Variants in CCDC187 observed in about 807,000 individuals in gnomAD.
CCDC187 encodes the protein coiled-coil domain containing 187.
In CCDC187, 32 loss-of-function variants were observed where a neutral mutation model predicts 38.0. The ratio of observed to expected loss-of-function variants is 0.84; its 90% CI spans 0.64 to 1.13. The LOEUF (loss-of-function observed/expected upper bound fraction) is 1.13. CCDC187 is among the 50% of genes most tolerant of loss of function. CCDC187 has a pLI of 0.00. For missense variants in CCDC187, 707 were observed against 786.8 expected (o/e 0.90, Z 1.21); for synonymous variants, 333 against 347.9 (o/e 0.96, Z 0.48).
chr9:136,290,676 T>G lies in CCDC187; in HGVS notation c.1937A>C (p.Lys646Thr), dbSNP rs1462551093. Residue 646 changes from lysine to threonine, a missense_variant, in exon 6 of 26, where the codon AAG becomes ACG. Transcript: ENST00000638797. The stretch of plus-strand genomic sequence containing the variant: ...GGCCTGCCGCCGCCGGGCCTGCGCC[T>G]TCTGGCGCATGAACTCCCGCAAGGA... ...SESLREFMRQ[K>T]AQARRRQALE... 2.5e-6 allele frequency: 1 copy of G among 398,522 alleles called. No individual in the cohort carries two copies. The highest frequency in any genetic ancestry group is 2.1e-5 in the African/African-American group (1 of 48,736). The allele number at this position is 398,522 out of a possible 1,614,324, so 24.7% of individuals were successfully genotyped here.
chr9:136,288,432 G>T (rs1165411761), intron 7 of CCDC187, among the ~76,000 whole-genome samples: 1 of 152,190 alleles, frequency 6.6e-6, no homozygotes, highest in Non-Finnish European at 1.5e-5. Context: ...CAGCCCTGAG[G>T]GAGTCCAGGG....
In CCDC187 at chr9:136,303,050, C is replaced by G. The variant is rs1588678687; in HGVS notation, c.387G>C (p.Val129=). The G allele has an allele frequency of 2.5e-6, 1 of 398,588 alleles. No homozygotes were observed. Among genetic ancestry groups the G allele is most frequent in the Admixed American group, 4.4e-5 (1 of 22,722 alleles). The allele number at this position is 398,588 out of a possible 1,614,324, so 24.7% of individuals were successfully genotyped here. A position where few individuals can be genotyped will look rare whatever the true frequency, so the allele number is the denominator to read the frequency against. Residue 129 remains valine, a synonymous_variant, in exon 2 of 26, where the codon GTG becomes GTC. Transcript: ENST00000638797. ...CCTGGGGTGGCCTCTCCTTCCAAGA[C>G]ACACACACGTCGTGGCCCCCCGAAG... The part of the protein sequence containing the change: ...SCSSGGHDVC[V]SWKERPPQVL...
chr9:136,294,202 TCA>T (rs1243547283), intron 4 of CCDC187, among the ~76,000 whole-genome samples: 14 of 140,764 alleles, frequency 9.9e-5, no homozygotes, highest in African/African-American at 3.5e-4. Context: ...ACATGTGCTC[TCA>T]CACACACTCA....
chr9:136,253,930 A>G lies in CCDC187; in HGVS notation c.5898T>C (p.Asn1966=). The G allele has an allele frequency of 1.1e-6, 1 of 884,970 alleles. No individual in the cohort carries two copies. Among genetic ancestry groups the G allele is most frequent in the Middle Eastern group, 5.7e-4 (1 of 1,758 alleles). The allele number at this position is 884,970 out of a possible 1,614,324, so 54.8% of individuals were successfully genotyped here. A position where few individuals can be genotyped will look rare whatever the true frequency, so the allele number is the denominator to read the frequency against. Residue 1966 remains asparagine, a synonymous_variant, in exon 26 of 26, where the codon AAT becomes AAC. Transcript: ENST00000638797. ...AESRAPGPGG[N]GAPTVLEEAC... ...CTTCCTCCAGGACAGTGGGGGCCCC[A>G]TTCCCACCAGGCCCAGGCGCCCGGC... is the stretch of plus-strand genomic sequence containing the variant.
At position 136,259,399 on chromosome 9, in the gene CCDC187, G is replaced by A. The variant is rs544924651; in HGVS notation, c.4260C>T (p.Ser1420=). 5 of 985,200 alleles carry A rather than the reference G, an allele frequency of 5.1e-6. No individual in the cohort carries two copies. Among genetic ancestry groups the A allele is most frequent in the Non-Finnish European group, 6.0e-6 (5 of 830,062 alleles). The allele number at this position is 985,200 out of a possible 1,614,324, so 61.0% of individuals were successfully genotyped here. Residue 1420 remains serine (S), a synonymous_variant, in exon 21 of 26, where the codon AGC becomes AGT. Coordinates refer to ENST00000638797, the MANE Select transcript of CCDC187 (RefSeq NM_001378188.1). ...RAPLLGLQHV[S]PPDGQRLGPA... ...GGCCCAGCCGCTGTCCGTCCGGGGGGCTCACGTGCTGCAGGCCCAGCAGAG... is the reference window on the plus strand; with the variant it reads ...GGCCCAGCCGCTGTCCGTCCGGGGGACTCACGTGCTGCAGGCCCAGCAGAG...
At chr9:136,288,654 C>A (rs917904660) in intron 7 of CCDC187, among the ~76,000 whole-genome samples, 1 of 152,212 alleles carries the variant, frequency 6.6e-6, no homozygotes, top group South Asian at 2.1e-4. Context: ...TAGTGAGACC[C>A]AGGCGCAACT....
chr9:136,278,404 C>A (rs1830974478), intron 10 of CCDC187, among the ~76,000 whole-genome samples: 1 of 152,186 alleles, frequency 6.6e-6, no homozygotes, highest in African/African-American at 2.4e-5. Flanking sequence ...TGAGCTGTGA[C>A]CCCGGAGAAA....
intron 10 of CCDC187, among the ~76,000 whole-genome samples, chr9:136,277,299 GGGGTGGGTGTGAACGGGGT>G (rs1404200824): frequency 7.6e-6 from 1 of 131,140 alleles, no homozygotes; most frequent in Admixed American, 7.7e-5. Context: ...GGGTGATGAC[GGGGTGGGTGTGAACGGGGT>G]GGGTGGGTGC....
At chr9:136,293,346 C>A (rs988537194) in intron 4 of CCDC187, among the ~76,000 whole-genome samples, 1 of 148,548 alleles carries the variant, frequency 6.7e-6, no homozygotes, top group Non-Finnish European at 1.5e-5. Context: ...CTCACACTCA[C>A]ATGCTCACAC....
intron 19 of CCDC187, among the ~76,000 whole-genome samples, chr9:136,261,119 C>T (rs566703861): frequency 6.6e-6 from 1 of 152,244 alleles, no homozygotes; most frequent in East Asian, 1.9e-4. Flanking sequence ...CAGGACCCCA[C>T]AGCAGCTCCA....
intron 8 of CCDC187, 113 bp downstream of exon 8, chr9:136,285,972 C>T: frequency 2.5e-6 from 1 of 397,596 alleles, no homozygotes; most frequent in Non-Finnish European, 4.4e-6. Flanking sequence ...TCCTCCTAGC[C>T]CCCTTTCCAG....
At chr9:136,303,500 C>A (rs1041950862) in intron 1 of CCDC187, among the ~76,000 whole-genome samples, 188 bp downstream of exon 1, 1 of 152,222 alleles carries the variant, frequency 6.6e-6, no homozygotes, top group Non-Finnish European at 1.5e-5. Flanking sequence ...GTAATGTGAT[C>A]GGCCCGATTT....
In CCDC187 at chr9:136,293,448, CA is replaced by C. The variant is rs1588671577; in HGVS notation, c.833-1154del. ...ACTCTCACATGCTCACACACTCACA[CA>C]TGCTCACACTCACACTCACATGCTC... is the stretch of plus-strand genomic sequence containing the variant. On this transcript the variant is annotated intron_variant, in intron 4 of 25. Coordinates refer to ENST00000638797, the MANE Select transcript of CCDC187 (RefSeq NM_001378188.1). Among the ~76,000 whole-genome samples, 357 of 65,916 alleles carry C rather than the reference CA, an allele frequency of 5.4e-3. 26 individuals carry two copies. The East Asian group carries it at 0.083, about 15-fold the overall frequency. The allele number at this position is 65,916 out of a possible 152,430, so 43.2% of individuals were successfully genotyped here.
At position 136,254,809 on chromosome 9, in the gene CCDC187, G is replaced by A. The variant is rs1830593446; in HGVS notation, c.5019C>T (p.Ser1673=). ...SWPGELSARH[S]SGEAGLPLSW... is the part of the protein sequence containing the mutation. The stretch of plus-strand genomic sequence containing the variant: ...ACAAAGGCAGGCCAGCTTCCCCCGA[G>A]GAGTGTCGGGCAGAGAGCTCTCCAG... Residue 1673 remains serine, a synonymous_variant, in exon 26 of 26, where the codon TCC becomes TCT. Coordinates refer to ENST00000638797, the MANE Select transcript of CCDC187 (RefSeq NM_001378188.1). The A allele has an allele frequency of 2.0e-6, 2 of 985,380 alleles. No individual in the cohort carries two copies. The highest frequency in any genetic ancestry group is 6.1e-5 in the Admixed American group (1 of 16,272). 61.0% of individuals were successfully genotyped at this position (985,380 alleles called of 1,614,324 possible). A position where few individuals can be genotyped will look rare whatever the true frequency, so the allele number is the denominator to read the frequency against.
upstream of CCDC187, among the ~76,000 whole-genome samples, chr9:136,306,595 C>T (rs1381160884): frequency 6.6e-6 from 1 of 152,200 alleles, no homozygotes; most frequent in East Asian, 1.9e-4. Flanking sequence ...GCTACTTCCA[C>T]TTAACCAGCG....
In CCDC187 at chr9:136,254,655, C is replaced by A; in HGVS notation, c.5173G>T (p.Ala1725Ser). ...LRGSSLDTAMAEVSAPEQSPK... is the reference protein window; with the variant it reads ...LRGSSLDTAMSEVSAPEQSPK... The stretch of plus-strand genomic sequence containing the variant: ...CTTTGCTCCGGCGCTGAAACTTCTG[C>A]CATGGCCGTGTCCAAGGAGGAGCCA... The change falls in exon 26 of 26, where the codon GCA becomes TCA. Residue 1725 changes from alanine (A) to serine (S), a missense_variant. Coordinates refer to ENST00000638797, the MANE Select transcript of CCDC187 (RefSeq NM_001378188.1). The A allele has an allele frequency of 1.0e-6, 1 of 985,588 alleles. No homozygotes were observed. The highest frequency in any genetic ancestry group is 1.7e-5 in the African/African-American group (1 of 57,378). 61.1% of individuals were successfully genotyped at this position (985,588 alleles called of 1,614,324 possible). A position where few individuals can be genotyped will look rare whatever the true frequency, so the allele number is the denominator to read the frequency against.
chr9:136,290,662 G>A lies in CCDC187; in HGVS notation c.1951C>T (p.Arg651Trp), dbSNP rs1334171100. Residue 651 changes from arginine (R) to tryptophan (W), a missense_variant, in exon 6 of 26, where the codon CGG (arginine) becomes TGG (tryptophan). By Grantham distance (101) the Arg-to-Trp change is moderately radical. Coordinates refer to ENST00000638797, the MANE Select transcript of CCDC187 (RefSeq NM_001378188.1). ...GCCTTCTCCTCCAGGGCCTGCCGCC[G>A]CCGGGCCTGCGCCTTCTGGCGCATG... ...EFMRQKAQARRRQALEEKASA... is the reference protein window; with the variant it reads ...EFMRQKAQARWRQALEEKASA... The A allele has an allele frequency of 1.3e-5, 5 of 398,526 alleles. No individual in the cohort carries two copies. The highest frequency in any genetic ancestry group is 3.6e-5 in the East Asian group (1 of 28,066). The allele number at this position is 398,526 out of a possible 1,614,324, so 24.7% of individuals were successfully genotyped here.
Position 136,250,886 on chromosome 9 carries a change from C to A in CCDC187, c.*2708G>T, listed in dbSNP as rs1554759258. 3 of 452,774 alleles carry A rather than the reference C, an allele frequency of 6.6e-6. No homozygotes were observed. Among genetic ancestry groups the A allele is most frequent in the Non-Finnish European group, 1.3e-5 (3 of 224,350 alleles). 28.0% of individuals were successfully genotyped at this position (452,774 alleles called of 1,614,324 possible). The stretch of plus-strand genomic sequence containing the variant: ...GGCGAGGGGTGTCTGGAGAGGGGCT[C>A]TTGCCTCACGGCAGGGGGCCCAAAG... On this transcript the variant is annotated 3_prime_UTR_variant, in exon 26 of 26. Transcript: ENST00000638797.
At chr9:136,304,834 C>T (rs1456250837), upstream of CCDC187, among the ~76,000 whole-genome samples, 10 of 152,230 alleles carry the variant, frequency 6.6e-5, no homozygotes, top group African/African-American at 2.2e-4. Flanking sequence ...CCAGGAATGG[C>T]CCTTAAGTTG....
Sources: gnomAD v4.1 joint callset for allele counts (sites outside exome capture counted in the v4.1 genomes callset) on GRCh38, gnomAD v4.1.1 for gene constraint, MANE v1.5 for transcripts, NCBI Gene and HGNC (gene_info 2026-07-23, HGNC 2026-07-21) for gene names.